The following DNAAF11 variants were observed in gnomAD, a reference collection of about 807,000 sequenced individuals.
DNAAF11 encodes the protein leucine rich repeat containing 6.
A neutral mutation model predicts 60.8 loss-of-function variants in DNAAF11; 45 were observed. The ratio of observed to expected loss-of-function variants is 0.74; its 90% CI spans 0.58 to 0.95. The LOEUF (loss-of-function observed/expected upper bound fraction) is 0.95. Ranked by LOEUF, DNAAF11 falls within the 40% of genes least tolerant of loss-of-function variation. The pLI, the probability that DNAAF11 is intolerant of heterozygous loss-of-function variation, is 0.00. For synonymous variants in DNAAF11, 191 were observed against 183.5 expected (o/e 1.04, Z -0.33); for missense variants, 546 against 546.2 (o/e 1.00, Z 0.00).
At chr8:132,633,157 C>A (rs1199252818) in intron 4 of DNAAF11, among the ~76,000 whole-genome samples, 194 bp from the exon 5 acceptor site, 1 of 151,860 alleles carries the variant, frequency 6.6e-6, no homozygotes, top group Non-Finnish European at 1.5e-5. Flanking sequence ...TTAAAAAATA[C>A]CTTTACTAGT....
chr8:132,681,957 T>G, the DNAAF11 span, among the ~76,000 whole-genome samples: 1 of 152,172 alleles, frequency 6.6e-6, no homozygotes, highest in African/African-American at 2.4e-5. Context: ...AACACTAAAG[T>G]GTTTAGTTGA....
chr8:132,606,185 A>G (rs1818115416), intron 10 of DNAAF11, among the ~76,000 whole-genome samples: 1 of 152,232 alleles, frequency 6.6e-6, no homozygotes, highest in South Asian at 2.1e-4. Flanking sequence ...GTCGTATAAA[A>G]GTATAGCATA....
chr8:132,674,034 G>A (rs570243584), intron 1 of DNAAF11, among the ~76,000 whole-genome samples: 1 of 151,136 alleles, frequency 6.6e-6, no homozygotes, highest in African/African-American at 2.4e-5. Context: ...GGAGCAGGAG[G>A]AGCAGGAGCA....
chr8:132,592,160 C>A (rs573762837), intron 10 of DNAAF11, among the ~76,000 whole-genome samples: 6 of 152,220 alleles, frequency 3.9e-5, no homozygotes, highest in African/African-American at 1.2e-4. Context: ...TGCCACTGAA[C>A]TAGATACAGT....
chr8:132,680,562 G>T (rs62514518), upstream of DNAAF11, among the ~76,000 whole-genome samples: 3,262 of 151,770 alleles, frequency 0.021, 52 homozygotes, highest in Non-Finnish European at 0.033. Flanking sequence ...ACCATACTTT[G>T]CATTTATTTT....
chr8:132,692,082 G>T, the DNAAF11 span, among the ~76,000 whole-genome samples: 1 of 152,098 alleles, frequency 6.6e-6, no homozygotes, highest in African/African-American at 2.4e-5. Context: ...AGTAGTAGGG[G>T]GCTGGGTGAG....
intron 3 of DNAAF11, among the ~76,000 whole-genome samples, chr8:132,649,554 A>G (rs974069222): frequency 1.1e-4 from 16 of 152,222 alleles, no homozygotes; most frequent in African/African-American, 3.1e-4. Flanking sequence ...GCACAGCAAA[A>G]GAAACTACCA....
chr8:132,684,389 A>T, the DNAAF11 span, among the ~76,000 whole-genome samples: 24 of 152,192 alleles, frequency 1.6e-4, no homozygotes, highest in African/African-American at 5.8e-4. Flanking sequence ...AGCTCACCTG[A>T]GTTTCATTGT....
rs914416330 is a variant in DNAAF11 at position 132,643,534 on chromosome 8, G to A, written c.257-5427C>T. 2.4e-5 allele frequency: 10 copies of A among 419,940 alleles called. No homozygotes were observed. The East Asian group carries it at 2.8e-4, about 12-fold the overall frequency. The allele number at this position is 419,940 out of a possible 1,614,324, so 26.0% of individuals were successfully genotyped here. Reference sequence around the variant, plus strand: ...CAGTTAATTCAAAAGACCAGTCCCCGTAAATGGGTCCGTATGCCATATTTC... The same window carrying A: ...CAGTTAATTCAAAAGACCAGTCCCCATAAATGGGTCCGTATGCCATATTTC... On this transcript the variant is annotated intron_variant, in intron 3 of 11. Coordinates refer to ENST00000620350, the MANE Select transcript of DNAAF11 (RefSeq NM_012472.6).
At chr8:132,641,214 T>G (rs1241859893) in intron 3 of DNAAF11, among the ~76,000 whole-genome samples, 3 of 152,184 alleles carry the variant, frequency 2.0e-5, no homozygotes, top group Admixed American at 6.6e-5. Flanking sequence ...CACAAATTAC[T>G]CATTAGTTAA....
intron 10 of DNAAF11, among the ~76,000 whole-genome samples, chr8:132,586,363 C>A (rs773087623): frequency 9.4e-6 from 1 of 106,278 alleles, no homozygotes; most frequent in Non-Finnish European, 1.9e-5. Context: ...ACTTGAAATG[C>A]GGTTAGTGCA....
At position 132,662,147 on chromosome 8, in the gene DNAAF11, G is replaced by A. The variant is rs375156964; in HGVS notation, c.11-520C>T. On this transcript the variant is annotated intron_variant, in intron 1 of 11. Transcript: ENST00000620350. ...AAAGCTTAAAAGAAAGAAAAGGAAC[G>A]CTTTAGATCTTGCACTGCATTCTTA... Among the ~76,000 whole-genome samples the A allele has an allele frequency of 5.3e-5, 8 of 152,276 alleles. 1 individual carries two copies. Among genetic ancestry groups the A allele is most frequent in the South Asian group, 4.1e-4 (2 of 4,822 alleles).
chr8:132,598,275 G>A (rs1346762763), intron 10 of DNAAF11, among the ~76,000 whole-genome samples: 1 of 152,112 alleles, frequency 6.6e-6, no homozygotes, highest in Non-Finnish European at 1.5e-5. Flanking sequence ...TTTATTACAG[G>A]ATTCTGAAAG....
intron 1 of DNAAF11, among the ~76,000 whole-genome samples, chr8:132,670,788 T>C (rs1825116391): frequency 6.6e-6 from 1 of 152,214 alleles, no homozygotes; most frequent in Non-Finnish European, 1.5e-5. Context: ...TTATCCAATG[T>C]ATACGAGGTT....
intron 10 of DNAAF11, among the ~76,000 whole-genome samples, chr8:132,599,574 C>T (rs1817382835): frequency 6.6e-6 from 1 of 152,146 alleles, no homozygotes; most frequent in African/African-American, 2.4e-5. Flanking sequence ...AGCTTATCCA[C>T]CATGATCAAG....
chr8:132,591,862 T>C (rs1816501761), intron 10 of DNAAF11, among the ~76,000 whole-genome samples: 1 of 152,166 alleles, frequency 6.6e-6, no homozygotes, highest in Admixed American at 6.5e-5. Flanking sequence ...TTATTGTAGA[T>C]TGTAAATAAT....
At chr8:132,623,949 A>T (rs1819997169) in intron 6 of DNAAF11, among the ~76,000 whole-genome samples, 1 of 152,102 alleles carries the variant, frequency 6.6e-6, no homozygotes, top group South Asian at 2.1e-4. Flanking sequence ...CATCTCACAG[A>T]CTCACTGGAT....
intron 1 of DNAAF11, among the ~76,000 whole-genome samples, chr8:132,665,010 G>GC (rs1324048784): frequency 2.6e-5 from 4 of 152,042 alleles, no homozygotes; most frequent in Non-Finnish European, 4.4e-5. Context: ...CAACAGAGAA[G>GC]TTTGCCTGGA....
chr8:132,650,922 T>C (rs543952965), intron 3 of DNAAF11, among the ~76,000 whole-genome samples: 163 of 152,360 alleles, frequency 1.1e-3, no homozygotes, highest in African/African-American at 3.9e-3. Flanking sequence ...CATTATATTT[T>C]TCAAAGTGTC....
Sources: gnomAD v4.1 joint callset for allele counts (sites outside exome capture counted in the v4.1 genomes callset) on GRCh38, gnomAD v4.1.1 for gene constraint, MANE v1.5 for transcripts, NCBI Gene and HGNC (gene_info 2026-07-23, HGNC 2026-07-21) for gene names.